CTTNBP2: variants seen among roughly 807,000 people sequenced by gnomAD.
CTTNBP2 encodes cortactin binding protein 2.
A neutral mutation model predicts 156.9 loss-of-function variants in CTTNBP2; 108 were observed. That is an observed-to-expected ratio of 0.69 (90% CI 0.59 to 0.81). CTTNBP2 has a LOEUF of 0.81. CTTNBP2 is among the 30% of genes least tolerant of loss of function. CTTNBP2 has a pLI of 0.00. For synonymous variants in CTTNBP2, 767 were observed against 751.8 expected (o/e 1.02, Z -0.33); for missense variants, 1,924 against 2,035.4 (o/e 0.95, Z 1.05).
intron 2 of CTTNBP2, among the ~76,000 whole-genome samples, chr7:117,824,462 T>C (rs2117044244): frequency 6.6e-6 from 1 of 152,350 alleles, no homozygotes; most frequent in Non-Finnish European, 1.5e-5. Context: ...GGAGATCTTC[T>C]TAAGTTTGTT....
rs116962714 is a variant in CTTNBP2 at position 117,774,391 on chromosome 7, G to A, written c.2778+3120C>T. ...CTATGTCAGGGGTCCCTGAACCCCC[G>A]GGGTTCACAGACCAGTATCAGTCCA... On this transcript the variant is annotated intron_variant, in intron 8 of 22. Transcript: ENST00000160373. Among the ~76,000 whole-genome samples, 494 of 152,148 alleles carry A rather than the reference G, an allele frequency of 3.2e-3. 3 individuals carry two copies. Among genetic ancestry groups the A allele is most frequent in the Middle Eastern group, 0.01 (3 of 294 alleles).
At chr7:117,744,482 G>C (rs1357749778) in intron 14 of CTTNBP2, among the ~76,000 whole-genome samples, 1 of 152,146 alleles carries the variant, frequency 6.6e-6, no homozygotes, top group Non-Finnish European at 1.5e-5. Flanking sequence ...ATGATCTCTA[G>C]TTCCATCCGT....
intron 1 of CTTNBP2, among the ~76,000 whole-genome samples, chr7:117,872,375 G>A (rs1358630219): frequency 6.6e-6 from 1 of 152,150 alleles, no homozygotes; most frequent in Non-Finnish European, 1.5e-5. Flanking sequence ...GGCGGGAGCA[G>A]CCAGATCTGG....
At chr7:117,753,267 G>T (rs1371813309) in intron 12 of CTTNBP2, among the ~76,000 whole-genome samples, 1 of 152,166 alleles carries the variant, frequency 6.6e-6, no homozygotes, top group Non-Finnish European at 1.5e-5. Flanking sequence ...TGCTGGCAAG[G>T]TTGTGGAGAA....
intron 2 of CTTNBP2, among the ~76,000 whole-genome samples, chr7:117,817,063 T>C: frequency 6.6e-6 from 1 of 151,454 alleles, no homozygotes; most frequent in Non-Finnish European, 1.5e-5. Context: ...TTCGGCCGGG[T>C]GTGGTGGCTC....
intron 22 of CTTNBP2, among the ~76,000 whole-genome samples, chr7:117,716,178 C>T (rs1794355965): frequency 6.6e-6 from 1 of 151,612 alleles, no homozygotes; most frequent in East Asian, 1.9e-4. Flanking sequence ...TATAAAAGGA[C>T]TCGCTTTAAA....
chr7:117,801,107 CAG>C (rs1002641339), intron 3 of CTTNBP2, among the ~76,000 whole-genome samples: 2 of 152,002 alleles, frequency 1.3e-5, no homozygotes, highest in Non-Finnish European at 2.9e-5. Context: ...AACAAGTAAA[CAG>C]GGGAGAAAGA....
intron 2 of CTTNBP2, among the ~76,000 whole-genome samples, chr7:117,819,724 T>C (rs1390800889): frequency 1.3e-5 from 2 of 152,062 alleles, no homozygotes; most frequent in Non-Finnish European, 2.9e-5. Context: ...AGGTAAGCTT[T>C]TCCTCTTCCC....
At chr7:117,849,378 T>C (rs921802996) in intron 2 of CTTNBP2, among the ~76,000 whole-genome samples, 2 of 152,158 alleles carry the variant, frequency 1.3e-5, no homozygotes, top group Non-Finnish European at 2.9e-5. Context: ...TGATCTAGGG[T>C]AGGGATTCTA....
At chr7:117,760,397 G>A (rs1797138301) in intron 10 of CTTNBP2, 38 bp downstream of exon 10, 1 of 1,590,982 alleles carries the variant, frequency 6.3e-7, no homozygotes, top group Non-Finnish European at 8.6e-7. Context: ...AATAAACCCA[G>A]AAATTTCACT....
chr7:117,757,496 G>A (rs1372027651), intron 11 of CTTNBP2, among the ~76,000 whole-genome samples: 3 of 141,316 alleles, frequency 2.1e-5, no homozygotes, highest in African/African-American at 5.3e-5. Context: ...CTGTACCATC[G>A]TGATCATCGT....
In CTTNBP2 at chr7:117,711,683, G is replaced by A. The variant is rs762215104; in HGVS notation, c.4846C>T (p.Pro1616Ser). Reference protein sequence around the residue: ...VSRVKSFLPVPRSKVTQCSQN... With the variant: ...VSRVKSFLPVSRSKVTQCSQN... ...GAACACTGGGTGACTTTACTTCTAG[G>A]AACAGGAAGAAAAGATTTAACTCTT... Residue 1616 changes from proline to serine, a missense_variant, in exon 23 of 23, where the codon CCT becomes TCT. Transcript: ENST00000160373. 15 of 1,613,840 alleles carry A rather than the reference G, an allele frequency of 9.3e-6. No individual in the cohort carries two copies. The African/African-American group carries it at 1.9e-4, about 20-fold the overall frequency.
intron 4 of CTTNBP2, among the ~76,000 whole-genome samples, chr7:117,789,059 G>A (rs1033860835): frequency 6.6e-6 from 1 of 152,068 alleles, no homozygotes; most frequent in Admixed American, 6.6e-5. Context: ...AGGAGTTATA[G>A]CTCTTTTATG....
chr7:117,749,996 T>C (rs2116586365), intron 12 of CTTNBP2, among the ~76,000 whole-genome samples: 2 of 152,286 alleles, frequency 1.3e-5, no homozygotes, highest in Admixed American at 1.3e-4. Flanking sequence ...TAATCCCAAA[T>C]CGCTATGATT....
At position 117,792,204 on chromosome 7, in the gene CTTNBP2, G is replaced by A. The variant is rs763748607; in HGVS notation, c.992C>T (p.Ser331Phe). Residue 331 changes from serine (S) to phenylalanine (F), a missense_variant, in exon 4 of 23, where the codon TCC (serine) becomes TTC (phenylalanine). Coordinates refer to ENST00000160373, the MANE Select transcript of CTTNBP2 (RefSeq NM_033427.3). The surrounding 1 kb of genome is among the most constrained non-coding windows in gnomAD (Gnocchi z 4.2). Reference protein sequence around the residue: ...KLPLTMPVKPSTGSPLVSANA... With the variant: ...KLPLTMPVKPFTGSPLVSANA... ...TGCAGAAACTAGGGGACTCCCTGTG[G>A]AAGGTTTTACAGGCATGGTTAAAGG... 35 of 1,614,078 alleles carry A rather than the reference G, an allele frequency of 2.2e-5. No homozygotes were observed. Among genetic ancestry groups the A allele is most frequent in the Non-Finnish European group, 3.0e-5 (35 of 1,180,046 alleles).
Position 117,791,275 on chromosome 7 carries a change from C to T in CTTNBP2, c.1921G>A (p.Ala641Thr). ...LATSQVGAWP[A>T]ATPGLNQPAC... Reference sequence around the variant, plus strand: ...GGTTGGTTCAGTCCGGGGGTTGCAGCAGGCCAGGCACCCACCTGAGACGTG... The same window carrying T: ...GGTTGGTTCAGTCCGGGGGTTGCAGTAGGCCAGGCACCCACCTGAGACGTG... The change falls in exon 4 of 23, where the codon GCT (alanine) becomes ACT (threonine). Residue 641 changes from alanine (A) to threonine (T), a missense_variant. By Grantham distance (58) the Ala-to-Thr change is moderately conservative. Transcript: ENST00000160373. 1.2e-6 allele frequency: 2 copies of T among 1,614,140 alleles called. No homozygotes were observed. The highest frequency in any genetic ancestry group is 1.7e-6 in the Non-Finnish European group (2 of 1,180,028).
intron 2 of CTTNBP2, among the ~76,000 whole-genome samples, chr7:117,839,721 G>A (rs1802162758): frequency 1.3e-5 from 2 of 152,230 alleles, no homozygotes; most frequent in East Asian, 1.9e-4. Flanking sequence ...TCCTGCTGTG[G>A]TCCTGACCAG....
intron 6 of CTTNBP2, among the ~76,000 whole-genome samples, chr7:117,782,254 T>C (rs573939165): frequency 4.1e-4 from 63 of 152,304 alleles, no homozygotes; most frequent in South Asian, 2.1e-3. Context: ...TGACTTTTAA[T>C]GTTAAAAAGT....
intron 3 of CTTNBP2, among the ~76,000 whole-genome samples, chr7:117,798,588 T>G (rs956172535): frequency 1.3e-5 from 2 of 152,094 alleles, no homozygotes; most frequent in Admixed American, 1.3e-4. Context: ...AAGCAGAGCA[T>G]CTAAAAGCAG....
Sources: gnomAD v4.1 joint callset for allele counts (sites outside exome capture counted in the v4.1 genomes callset) on GRCh38, gnomAD v4.1.1 for gene constraint, Gnocchi (gnomAD v3.1) non-coding constraint, MANE v1.5 for transcripts, NCBI Gene and HGNC (gene_info 2026-07-23, HGNC 2026-07-21) for gene names.